Variants in ZNF475 observed in about 807,000 individuals in gnomAD.
ZNF475 encodes the protein zinc finger protein 475.
the ZNF475 span, among the ~76,000 whole-genome samples, chr5:122,164,608 A>T: frequency 2.6e-5 from 4 of 152,128 alleles, no homozygotes; most frequent in African/African-American, 9.7e-5. Flanking sequence ...GCAGCCAACT[A>T]CCATTTGGAT....
chr5:122,160,205 T>C, the ZNF475 span: 1 of 1,289,486 alleles, frequency 7.8e-7, no homozygotes. Context: ...CATGCCTGCA[T>C]ATCAGGGCAG....
chr5:122,177,167 G>C, the ZNF475 span, among the ~76,000 whole-genome samples: 1 of 152,168 alleles, frequency 6.6e-6, no homozygotes, highest in African/African-American at 2.4e-5. Context: ...ACCTTGGTGA[G>C]GAAACTGGGT....
the ZNF475 span, among the ~76,000 whole-genome samples, chr5:122,161,033 C>T: frequency 1.3e-5 from 2 of 152,236 alleles, no homozygotes; most frequent in African/African-American, 4.8e-5. Flanking sequence ...CAGAATCTCA[C>T]TGCTCAATGT....
chr5:122,160,267 C>A, the ZNF475 span: 21 of 1,289,660 alleles, frequency 1.6e-5, no homozygotes, highest in Middle Eastern at 2.1e-4. Context: ...ACTAAGGTAA[C>A]AGGACCAGTT....
At chr5:122,175,029 A>G in the ZNF475 span, among the ~76,000 whole-genome samples, 1 of 152,306 alleles carries the variant, frequency 6.6e-6, no homozygotes, top group African/African-American at 2.4e-5. Context: ...GCTAAGAAAA[A>G]GAAGGATAAA....
At chr5:122,182,600 G>A in the ZNF475 span, 6 of 1,535,476 alleles carry the variant, frequency 3.9e-6, no homozygotes, top group South Asian at 7.1e-5. Flanking sequence ...CAGACAGACT[G>A]ATTGTTCACC....
the ZNF475 span, among the ~76,000 whole-genome samples, chr5:122,178,659 A>T: frequency 1.3e-5 from 2 of 151,890 alleles, no homozygotes; most frequent in Non-Finnish European, 2.9e-5. Flanking sequence ...GAGTAGGTTG[A>T]GAAAATTTTC....
chr5:122,168,027 G>A, the ZNF475 span, among the ~76,000 whole-genome samples: 1 of 152,120 alleles, frequency 6.6e-6, no homozygotes, highest in Non-Finnish European at 1.5e-5. Flanking sequence ...GATGTTTCCA[G>A]TTGCATTCGT....
At chr5:122,160,750 G>C in the ZNF475 span, among the ~76,000 whole-genome samples, 1 of 152,066 alleles carries the variant, frequency 6.6e-6, no homozygotes, top group Non-Finnish European at 1.5e-5. Context: ...TTATACTCTC[G>C]AAAAGTTAAT....
chr5:122,171,470 A>G, the ZNF475 span, among the ~76,000 whole-genome samples: 563 of 152,330 alleles, frequency 3.7e-3, 4 homozygotes, highest in African/African-American at 0.013. Flanking sequence ...AATTACTTGC[A>G]TTTGACAAAA....
the ZNF475 span, among the ~76,000 whole-genome samples, chr5:122,177,919 AGT>A: frequency 1.3e-5 from 2 of 151,138 alleles, no homozygotes; most frequent in Non-Finnish European, 2.9e-5. Flanking sequence ...AACAGGCCCC[AGT>A]GTGTGATGTT....
the ZNF475 span, chr5:122,160,319 T>C: frequency 1.6e-6 from 2 of 1,248,352 alleles, no homozygotes; most frequent in African/African-American, 3.1e-5. Flanking sequence ...CCAAGGGAAT[T>C]TGTGTATATG....
At chr5:122,172,177 T>A in the ZNF475 span, among the ~76,000 whole-genome samples, 1 of 152,220 alleles carries the variant, frequency 6.6e-6, no homozygotes, top group Non-Finnish European at 1.5e-5. Context: ...CTAATGTTTT[T>A]CAAAGAGGAT....
the ZNF475 span, among the ~76,000 whole-genome samples, chr5:122,168,180 G>T: frequency 6.6e-6 from 1 of 152,162 alleles, no homozygotes; most frequent in Non-Finnish European, 1.5e-5. Context: ...TAATAGCTGG[G>T]GTTACAGGCA....
At chr5:122,170,796 C>T in the ZNF475 span, among the ~76,000 whole-genome samples, 3 of 152,160 alleles carry the variant, frequency 2.0e-5, no homozygotes, top group Admixed American at 1.3e-4. Context: ...GCAACCAGCC[C>T]GAATCTTAAA....
At chr5:122,160,400 A>G in the ZNF475 span, 1 of 541,456 alleles carries the variant, frequency 1.8e-6, no homozygotes, top group Non-Finnish European at 3.1e-6. Context: ...CAGCCTCATG[A>G]GTGAAATTGA....
At chr5:122,177,048 G>C in the ZNF475 span, among the ~76,000 whole-genome samples, 1 of 152,090 alleles carries the variant, frequency 6.6e-6, no homozygotes, top group East Asian at 1.9e-4. Flanking sequence ...GGATACCCCA[G>C]TAAAGGAATA....
At chr5:122,179,693 A>G in the ZNF475 span, 16 of 1,527,198 alleles carry the variant, frequency 1.0e-5, no homozygotes, top group Non-Finnish European at 1.4e-5. Flanking sequence ...AGTTAAGGAG[A>G]CCAGTACCTA....
chr5:122,165,461 G>A, the ZNF475 span, among the ~76,000 whole-genome samples: 1 of 152,120 alleles, frequency 6.6e-6, no homozygotes, highest in Non-Finnish European at 1.5e-5. Flanking sequence ...CTCCCCCGTG[G>A]TCACCATTTT....
Sources: allele counts gnomAD v4.1 joint callset (sites outside exome capture counted in the v4.1 genomes callset), GRCh38; gene constraint gnomAD v4.1.1; transcripts MANE v1.5; gene names NCBI Gene and HGNC (gene_info 2026-07-23, HGNC 2026-07-21).